KLHL1: variants seen among roughly 807,000 people sequenced by gnomAD.
The protein encoded by KLHL1 is kelch like family member 1, also known as kelch-like protein 1.
KLHL1 carries 47 observed loss-of-function variants against 77.7 expected under a neutral mutation model. The ratio of observed to expected loss-of-function variants is 0.60; its 90% confidence interval spans 0.48 to 0.77. The LOEUF (loss-of-function observed/expected upper bound fraction) is 0.77. Ranked by LOEUF, KLHL1 falls within the 30% of genes least tolerant of loss-of-function variation. The pLI is 0.00. For synonymous variants in KLHL1, 360 were observed against 325.2 expected, an observed-to-expected ratio of 1.11 and a Z score of -1.15; for missense variants, 925 against 910.8, an observed-to-expected ratio of 1.02 and a Z score of -0.20.
At chr13:69,740,693 T>A in intron 7 of KLHL1, 137 bp from the exon 8 acceptor site, 1 of 536,118 alleles carries the variant, frequency 1.9e-6, no homozygotes, top group South Asian at 5.3e-5. Context: ...TTGAATAGAT[T>A]TATTTCACAG....
intron 1 of KLHL1, among the ~76,000 whole-genome samples, chr13:70,075,130 A>C (rs1233441602): frequency 6.6e-6 from 1 of 151,968 alleles, no homozygotes; most frequent in African/African-American, 2.4e-5. Flanking sequence ...TGAGACTTGA[A>C]GAGGGGCTAG....
chr13:69,727,976 C>A (rs1873376654), intron 8 of KLHL1, among the ~76,000 whole-genome samples: 1 of 151,546 alleles, frequency 6.6e-6, no homozygotes, highest in Non-Finnish European at 1.5e-5. Context: ...ACAAATTTTT[C>A]TTTCTTATTG....
At chr13:69,917,321 A>C (rs1320980946) in intron 4 of KLHL1, among the ~76,000 whole-genome samples, 1 of 152,106 alleles carries the variant, frequency 6.6e-6, no homozygotes, top group East Asian at 1.9e-4. Flanking sequence ...CCAATTCTAA[A>C]AATTATATAT....
intron 8 of KLHL1, among the ~76,000 whole-genome samples, chr13:69,730,039 A>G (rs9529631): frequency 0.46 from 69,800 of 151,988 alleles, 16,969 homozygotes; most frequent in African/African-American, 0.62. Context: ...TTTAAAAGCG[A>G]CAGTAGAAGA....
chr13:69,978,099 G>T (rs1884599726), intron 1 of KLHL1, among the ~76,000 whole-genome samples: 1 of 152,122 alleles, frequency 6.6e-6, no homozygotes, highest in Non-Finnish European at 1.5e-5. Flanking sequence ...CCACTTCTCA[G>T]CATGTATTTT....
intron 1 of KLHL1, among the ~76,000 whole-genome samples, chr13:70,043,443 C>A (rs561843164): frequency 1.5e-3 from 235 of 152,148 alleles, no homozygotes; most frequent in African/African-American, 5.6e-3. Context: ...GTAGCCAAAA[C>A]ATACAGCGTT....
intron 1 of KLHL1, among the ~76,000 whole-genome samples, chr13:70,060,851 GA>G (rs111883192): frequency 0.036 from 5,317 of 149,376 alleles, 183 homozygotes; most frequent in African/African-American, 0.085. Flanking sequence ...CGTCTCAAAA[GA>G]AAAAAAAAAT....
At chr13:69,948,129 C>T (rs76487731) in intron 3 of KLHL1, among the ~76,000 whole-genome samples, 1 of 152,038 alleles carries the variant, frequency 6.6e-6, no homozygotes, top group African/African-American at 2.4e-5. Context: ...TCTCTCTTAG[C>T]AAGTCCAGAG....
At chr13:70,009,210 T>G (rs1167070593) in intron 1 of KLHL1, among the ~76,000 whole-genome samples, 1 of 152,100 alleles carries the variant, frequency 6.6e-6, no homozygotes, top group East Asian at 1.9e-4. Context: ...GACAACAGTG[T>G]CGTAGTGCTT....
At chr13:69,846,381 A>T (rs3012099) in intron 5 of KLHL1, among the ~76,000 whole-genome samples, 9 of 151,472 alleles carry the variant, frequency 5.9e-5, no homozygotes, top group African/African-American at 1.7e-4. Flanking sequence ...TATAGGATAA[A>T]CTCACACAAT....
intron 6 of KLHL1, among the ~76,000 whole-genome samples, chr13:69,808,810 A>C (rs1877735678): frequency 6.6e-6 from 1 of 152,178 alleles, no homozygotes; most frequent in South Asian, 2.1e-4. Context: ...AATTCAACAC[A>C]AAGAAGCTAG....
At chr13:70,086,590 AAAAGAAAGAAAG>A (rs869169817) in intron 1 of KLHL1, among the ~76,000 whole-genome samples, 22,892 of 83,816 alleles carry the variant, frequency 0.27, 4,650 homozygotes, top group South Asian at 0.43. Flanking sequence ...AAAAAAAAAA[AAAAGAAAGAAAG>A]AAAGAAAGAA....
At chr13:69,880,823 C>G (rs550979726) in intron 5 of KLHL1, among the ~76,000 whole-genome samples, 1 of 152,268 alleles carries the variant, frequency 6.6e-6, no homozygotes, top group Non-Finnish European at 1.5e-5. Context: ...TAATTCCAAA[C>G]TCCCCACATT....
At chr13:69,847,404 C>CAAAAAAAAAAAAAAAAA (rs11357077) in intron 5 of KLHL1, among the ~76,000 whole-genome samples, 9 of 145,854 alleles carry the variant, frequency 6.2e-5, no homozygotes, top group African/African-American at 1.6e-4. Context: ...ACTGCATTAG[C>CAAAAAAAAAAAAAAAAA]AAAAAAAAAA....
intron 1 of KLHL1, among the ~76,000 whole-genome samples, chr13:70,024,620 TTCTC>T (rs5804459): frequency 0.097 from 12,590 of 130,246 alleles, 639 homozygotes; most frequent in East Asian, 0.19. Context: ...GAGAAAAGAT[TTCTC>T]TCTCTCTCTC....
chr13:70,055,311 A>T (rs573340969), intron 1 of KLHL1, among the ~76,000 whole-genome samples: 2 of 152,252 alleles, frequency 1.3e-5, no homozygotes, highest in Non-Finnish European at 2.9e-5. Flanking sequence ...ATTTTATCCT[A>T]AAAAAGTATA....
intron 1 of KLHL1, among the ~76,000 whole-genome samples, chr13:70,051,511 G>A (rs778937536): frequency 3.3e-5 from 5 of 152,112 alleles, no homozygotes; most frequent in East Asian, 1.9e-4. Context: ...AAAGAAGTGC[G>A]TGGATATTTC....
chr13:69,733,864 A>C (rs1488614812), intron 8 of KLHL1, among the ~76,000 whole-genome samples: 1 of 152,232 alleles, frequency 6.6e-6, no homozygotes, highest in East Asian at 1.9e-4. Flanking sequence ...TAAAATGTGT[A>C]TGTACATTCA....
chr13:69,976,923 C>G (rs4448818), intron 1 of KLHL1, among the ~76,000 whole-genome samples: 18,547 of 152,042 alleles, frequency 0.12, 1,350 homozygotes, highest in African/African-American at 0.18. Flanking sequence ...AAGGTATTTA[C>G]TAGTTATTAA....
Sources: gnomAD v4.1 joint callset for allele counts (sites outside exome capture counted in the v4.1 genomes callset) on GRCh38, gnomAD v4.1.1 for gene constraint, MANE v1.5 for transcripts, NCBI Gene and HGNC (gene_info 2026-07-23, HGNC 2026-07-21) for gene names.